IL18BP: variants seen among roughly 807,000 people sequenced by gnomAD.
The protein encoded by IL18BP is interleukin 18 binding protein.
IL18BP carries 23 observed loss-of-function variants against 19.9 expected under a neutral mutation model. The ratio of observed to expected loss-of-function variants is 1.15; its 90% CI spans 0.83 to 1.64. The LOEUF is 1.64. Ranked by LOEUF, IL18BP falls within the 40% of genes most tolerant of loss-of-function variation. The pLI, the probability that IL18BP is intolerant of heterozygous loss-of-function variation, is 0.00. For missense variants in IL18BP, 239 were observed against 240.7 expected, an observed-to-expected ratio of 0.99 and a Z score of 0.05; for synonymous variants, 107 against 101.0, an observed-to-expected ratio of 1.06 and a Z score of -0.35.
downstream of IL18BP, chr11:72,004,253 T>C (rs766888938): frequency 1.6e-5 from 25 of 1,612,078 alleles, no homozygotes; most frequent in Non-Finnish European, 2.0e-5. Flanking sequence ...AGCTGCTTTC[T>C]TCTGGGCCTC....
At chr11:72,005,381 A>AG, downstream of IL18BP, 1 of 1,601,892 alleles carries the variant, frequency 6.2e-7, no homozygotes. Flanking sequence ...TGTGGAAGGC[A>AG]GGGAAGTGGG....
At position 72,000,032 on chromosome 11, in the gene IL18BP, A is replaced by G. The variant is rs1046782409; in HGVS notation, c.28+20A>G. On this transcript the variant is annotated intron_variant, in intron 2 of 5. Transcript: ENST00000393703. Reference sequence around the variant, plus strand: ...CACCAGGTAGGCCTTGGGGCTACGCATGGGCAGGCGGGGTAGGGTGAGGTC... The same window carrying G: ...CACCAGGTAGGCCTTGGGGCTACGCGTGGGCAGGCGGGGTAGGGTGAGGTC... 3 of 1,613,524 alleles carry G rather than the reference A, an allele frequency of 1.9e-6. No individual in the cohort carries two copies. Among genetic ancestry groups the G allele is most frequent in the Non-Finnish European group, 2.5e-6 (3 of 1,179,492 alleles).
At chr11:72,003,244 A>T, downstream of IL18BP, 1 of 491,176 alleles carries the variant, frequency 2.0e-6, no homozygotes, top group South Asian at 2.7e-5. Flanking sequence ...ACCAGCCTCA[A>T]ATCTGGTTGT....
At chr11:72,004,672 G>A (rs749336359), downstream of IL18BP, 1 of 1,613,234 alleles carries the variant, frequency 6.2e-7, no homozygotes, top group African/African-American at 1.3e-5. Context: ...TGGGGCTCTA[G>A]GGAGACCCGT....
At chr11:71,999,616 G>A (rs1955103257) in intron 1 of IL18BP, 1 of 254,942 alleles carries the variant, frequency 3.9e-6, no homozygotes. Flanking sequence ...GCCCTTCCCA[G>A]AAGCAGCTCT....
downstream of IL18BP, chr11:72,003,599 G>A: frequency 6.2e-7 from 1 of 1,605,416 alleles, no homozygotes; most frequent in South Asian, 1.1e-5. Context: ...GCACCCACTG[G>A]CTGGGAAGAT....
At chr11:72,005,525 A>C, downstream of IL18BP, 1 of 659,220 alleles carries the variant, frequency 1.5e-6, no homozygotes, top group East Asian at 2.9e-5. Flanking sequence ...AGTACGGCAC[A>C]CAGACTATTT....
downstream of IL18BP, chr11:72,005,249 T>C (rs1175531312): frequency 6.2e-7 from 1 of 1,602,188 alleles, no homozygotes; most frequent in African/African-American, 1.3e-5. Flanking sequence ...CTCCAGGGGA[T>C]AGCAGGTCTT....
chr11:72,007,535 G>T, downstream of IL18BP: 1 of 1,437,896 alleles, frequency 7.0e-7, no homozygotes, highest in Non-Finnish European at 9.4e-7. Context: ...ACTACAAGCA[G>T]ATGAGGTCAA....
intron 1 of IL18BP, chr11:71,999,490 C>T (rs1215695195): frequency 4.7e-6 from 1 of 214,254 alleles, no homozygotes; most frequent in African/African-American, 2.3e-5. Flanking sequence ...GGTTTCTGGC[C>T]ACTGAACTTT....
Position 72,001,194 on chromosome 11 carries a change from T to C in IL18BP, c.236-7T>C. Reference sequence around the variant, plus strand: ...TCTGAAGAGCTAACTGCTGCCTGTGTCCCTAGATGGAACGCTGAGCTTATC... The same window carrying C: ...TCTGAAGAGCTAACTGCTGCCTGTGCCCCTAGATGGAACGCTGAGCTTATC... On this transcript the variant is annotated splice_region_variant and splice_polypyrimidine_tract_variant and intron_variant, in intron 3 of 5. Transcript: ENST00000393703. 6.2e-7 allele frequency: 1 copy of C among 1,614,050 alleles called. No individual in the cohort carries two copies. The highest frequency in any genetic ancestry group is 1.3e-5 in the African/African-American group (1 of 75,022).
chr11:72,006,997 T>TAA (rs1380447345), downstream of IL18BP, among the ~76,000 whole-genome samples: 3 of 152,184 alleles, frequency 2.0e-5, no homozygotes, highest in Non-Finnish European at 2.9e-5. Flanking sequence ...AGGGATCTAA[T>TAA]CCTAGCCCTG....
intron 2 of IL18BP, 47 bp downstream of exon 2, chr11:72,000,059 A>G (rs772045541): frequency 1.1e-5 from 18 of 1,602,894 alleles, no homozygotes; most frequent in African/African-American, 4.0e-5. Context: ...GGTGAGGTCT[A>G]TGAACAGAAT....
downstream of IL18BP, chr11:72,007,209 T>C (rs781435189): frequency 6.2e-7 from 1 of 1,610,500 alleles, no homozygotes; most frequent in East Asian, 2.2e-5. Flanking sequence ...GTGATGTTGA[T>C]GATCTGCGTG....
At chr11:72,007,562 A>AT, downstream of IL18BP, 5 of 1,230,632 alleles carry the variant, frequency 4.1e-6, no homozygotes, top group East Asian at 7.6e-5. Flanking sequence ...CATCTCTCTG[A>AT]TTTTTCAGAG....
chr11:72,006,232 T>A (rs761381957), downstream of IL18BP: 3 of 1,614,044 alleles, frequency 1.9e-6, no homozygotes, highest in Admixed American at 1.7e-5. Context: ...GAACGATGAG[T>A]TGGCGCTGTC....
At position 72,001,443 on chromosome 11, in the gene IL18BP, C is replaced by T; in HGVS notation, c.398C>T (p.Ala133Val). The change falls in exon 5 of 6, where the codon GCC becomes GTC. Residue 133 changes from alanine to valine, a missense_variant. Physicochemically the swap from Ala to Val is moderately conservative, Grantham distance 64 (BLOSUM62 0). Coordinates refer to ENST00000393703, the MANE Select transcript of IL18BP (RefSeq NM_001039660.2). ...RGSTGTQLCK[A>V]LVLEQLTPAL... ...AGCACAGGTACGCAGCTGTGCAAGG[C>T]CTTGGTGCTGGAGCAGCTGACCCCT... is the stretch of plus-strand genomic sequence containing the variant. The T allele has an allele frequency of 6.2e-7, 1 of 1,614,210 alleles. No homozygotes were observed. Among genetic ancestry groups the T allele is most frequent in the Non-Finnish European group, 8.5e-7 (1 of 1,180,036 alleles).
chr11:72,004,462 C>A (rs1443269112), downstream of IL18BP: 5 of 1,215,194 alleles, frequency 4.1e-6, no homozygotes, highest in East Asian at 4.7e-5. Flanking sequence ...CTCCCCTTCC[C>A]AACTCTGGGC....
chr11:72,001,198 T>C lies in IL18BP; in HGVS notation c.236-3T>C. The C allele has an allele frequency of 6.2e-7, 1 of 1,614,074 alleles. No homozygotes were observed. The highest frequency in any genetic ancestry group is 8.5e-7 in the Non-Finnish European group (1 of 1,179,978). ...AAGAGCTAACTGCTGCCTGTGTCCCTAGATGGAACGCTGAGCTTATCCTGT... is the reference window on the plus strand; with the variant it reads ...AAGAGCTAACTGCTGCCTGTGTCCCCAGATGGAACGCTGAGCTTATCCTGT... On this transcript the variant is annotated splice_region_variant and splice_polypyrimidine_tract_variant and intron_variant, in intron 3 of 5. Coordinates refer to ENST00000393703, the MANE Select transcript of IL18BP (RefSeq NM_001039660.2).
Sources: allele counts gnomAD v4.1 joint callset (sites outside exome capture counted in the v4.1 genomes callset), GRCh38; gene constraint gnomAD v4.1.1; transcripts MANE v1.5; gene names NCBI Gene and HGNC (gene_info 2026-07-23, HGNC 2026-07-21).